GATAD2A: variants seen among roughly 807,000 people sequenced by gnomAD.
GATAD2A encodes transcriptional repressor p66-alpha.
A neutral mutation model predicts 68.5 loss-of-function variants in GATAD2A; 12 were observed. The ratio of observed to expected loss-of-function variants is 0.18; its 90% CI spans 0.11 to 0.28. The LOEUF (loss-of-function observed/expected upper bound fraction) is 0.28. Among genes scored for constraint, GATAD2A ranks in the 10% least tolerant of loss-of-function variants. GATAD2A has a pLI of 1.00. For synonymous variants in GATAD2A, 410 were observed against 375.3 expected (o/e 1.09, Z -1.07); for missense variants, 755 against 868.5 (o/e 0.87, Z 1.64).
chr19:19,415,443 C>T (rs936022904), intron 1 of GATAD2A, among the ~76,000 whole-genome samples: 5 of 151,452 alleles, frequency 3.3e-5, no homozygotes, highest in African/African-American at 1.2e-4. Context: ...ACGTGAGCCA[C>T]CACGCCCAGC....
intron 5 of GATAD2A, 75 bp downstream of exon 5, chr19:19,494,458 CA>C: frequency 1.1e-6 from 1 of 926,012 alleles, no homozygotes; most frequent in Admixed American, 1.9e-5. Flanking sequence ...CTCGGGCTCC[CA>C]AACAGCCCTG....
chr19:19,389,232 T>C (rs1411897061), intron 1 of GATAD2A, among the ~76,000 whole-genome samples: 3 of 152,166 alleles, frequency 2.0e-5, no homozygotes, highest in African/African-American at 7.2e-5. Flanking sequence ...CTGAGTAACT[T>C]GTAACCACTT....
At chr19:19,447,164 C>G (rs1226766819) in intron 1 of GATAD2A, among the ~76,000 whole-genome samples, 2 of 152,082 alleles carry the variant, frequency 1.3e-5, no homozygotes, top group Non-Finnish European at 2.9e-5. Context: ...ATAGAGACCC[C>G]CTGGGGGGCA....
intron 2 of GATAD2A, among the ~76,000 whole-genome samples, chr19:19,474,666 CTGTT>C (rs1021075008): frequency 4.6e-5 from 7 of 152,220 alleles, no homozygotes; most frequent in African/African-American, 7.2e-5. Context: ...TGCAGATTGT[CTGTT>C]TGTGGGTACG....
intron 2 of GATAD2A, among the ~76,000 whole-genome samples, chr19:19,467,326 AGATC>A (rs752975911): frequency 6.6e-6 from 1 of 152,172 alleles, no homozygotes; most frequent in Non-Finnish European, 1.5e-5. Context: ...CAATGAGCCG[AGATC>A]GCGCCACTGT....
intron 1 of GATAD2A, among the ~76,000 whole-genome samples, chr19:19,451,265 C>A (rs1600160317): frequency 1.3e-5 from 2 of 151,896 alleles, no homozygotes; most frequent in East Asian, 3.9e-4. Context: ...CCTGTAATCC[C>A]AGCTACTTGG....
chr19:19,503,726 G>C (rs2060698128), intron 11 of GATAD2A, among the ~76,000 whole-genome samples: 1 of 151,928 alleles, frequency 6.6e-6, no homozygotes, highest in Non-Finnish European at 1.5e-5. Context: ...TCTGATGGTA[G>C]GATTAGAGGG....
chr19:19,484,527 T>TTTTC (rs2059286761), intron 2 of GATAD2A, among the ~76,000 whole-genome samples: 3 of 146,990 alleles, frequency 2.0e-5, no homozygotes, highest in South Asian at 2.2e-4. Flanking sequence ...TCTTTTTTTT[T>TTTTC]TTTTCTTTTT....
intron 4 of GATAD2A, 56 bp downstream of exon 4, chr19:19,492,768 G>C: frequency 6.3e-7 from 1 of 1,586,090 alleles, no homozygotes; most frequent in Non-Finnish European, 8.6e-7. Flanking sequence ...GCCTTGCCTT[G>C]ATCCCCTCAT....
intron 1 of GATAD2A, among the ~76,000 whole-genome samples, chr19:19,460,796 C>T (rs991469377): frequency 6.6e-6 from 1 of 152,214 alleles, no homozygotes; most frequent in Non-Finnish European, 1.5e-5. Context: ...CTCCCCTGCC[C>T]TGCAGTCCTC....
intron 1 of GATAD2A, among the ~76,000 whole-genome samples, chr19:19,445,166 G>A (rs572686935): frequency 3.3e-5 from 5 of 152,228 alleles, no homozygotes; most frequent in East Asian, 3.9e-4. Flanking sequence ...TGTAGGACTC[G>A]TGGTTGGTGG....
chr19:19,385,953 C>A (rs2048383559), exon 1 of GATAD2A: 1 of 148,264 alleles, frequency 6.7e-6, no homozygotes, highest in Non-Finnish European at 1.5e-5. Flanking sequence ...GCCGCCCGAG[C>A]GCGCCCCGCG....
rs1241196084 is a variant in GATAD2A, at chr19:19,502,172, C to G, written c.1578+129C>G. Reference sequence around the variant, plus strand: ...TTCTGTTTCACTCTCTCCCCTCCCCCACCCCTCTGTGTAACTTACCTGGTC... The same window carrying G: ...TTCTGTTTCACTCTCTCCCCTCCCCGACCCCTCTGTGTAACTTACCTGGTC... On this transcript the variant is annotated intron_variant, in intron 10 of 11. Transcript: ENST00000683918. 6 of 880,642 alleles carry G rather than the reference C, an allele frequency of 6.8e-6. No individual in the cohort carries two copies. The African/African-American group carries it at 8.3e-5, about 12-fold the overall frequency. The allele number at this position is 880,642 out of a possible 1,614,324, so 54.6% of individuals were successfully genotyped here. A position where few individuals can be genotyped will look rare whatever the true frequency, so the allele number is the denominator to read the frequency against.
At chr19:19,462,783 C>T (rs374513105) in intron 1 of GATAD2A, among the ~76,000 whole-genome samples, 2 of 152,212 alleles carry the variant, frequency 1.3e-5, no homozygotes, top group African/African-American at 4.8e-5. Flanking sequence ...GCCACACAGG[C>T]ACGGCCCCCC....
chr19:19,500,177 C>T (rs1415970863), intron 8 of GATAD2A, among the ~76,000 whole-genome samples: 1 of 152,234 alleles, frequency 6.6e-6, no homozygotes, highest in Non-Finnish European at 1.5e-5. Context: ...CTCCTGACAC[C>T]TCCCAGAGCC....
chr19:19,474,153 A>G (rs1458332458), intron 2 of GATAD2A: 2 of 985,140 alleles, frequency 2.0e-6, no homozygotes, highest in Admixed American at 6.2e-5. Context: ...GATGTCTCTG[A>G]GGATCACGGA....
At chr19:19,451,445 G>T (rs150343961) in intron 1 of GATAD2A, among the ~76,000 whole-genome samples, 1 of 152,190 alleles carries the variant, frequency 6.6e-6, no homozygotes, top group South Asian at 2.1e-4. Flanking sequence ...CTGAGTTCAC[G>T]CATTGTCCAG....
intron 1 of GATAD2A, among the ~76,000 whole-genome samples, chr19:19,418,031 G>A (rs772857387): frequency 4.6e-5 from 7 of 152,194 alleles, no homozygotes; most frequent in Admixed American, 4.6e-4. Flanking sequence ...GGGCAGGAGC[G>A]GTGTCGTAGC....
In GATAD2A at chr19:19,508,781, A is replaced by G. The variant is rs1017611317; in HGVS notation, c.*3307A>G. 6.6e-6 allele frequency: 1 copy of G among 152,190 alleles called. No individual in the cohort carries two copies. Among genetic ancestry groups the G allele is most frequent in the Admixed American group, 6.5e-5 (1 of 15,274 alleles). The allele number at this position is 152,190 out of a possible 1,614,324, so 9.4% of individuals were successfully genotyped here. On this transcript the variant is annotated 3_prime_UTR_variant, in exon 12 of 12. Coordinates refer to ENST00000683918, the MANE Select transcript of GATAD2A (RefSeq NM_001384528.1). ...TCACTTGTATTTATTGTGACTCTAA[A>G]TCTTTGATAGTAAAACAAATGTAAA...
Sources: allele counts gnomAD v4.1 joint callset (sites outside exome capture counted in the v4.1 genomes callset), GRCh38; gene constraint gnomAD v4.1.1; transcripts MANE v1.5; gene names NCBI Gene and HGNC (gene_info 2026-07-23, HGNC 2026-07-21).